DMD: variants seen among roughly 807,000 people sequenced by gnomAD.
DMD encodes dystrophin.
Under a neutral mutation model 330.1 loss-of-function variants are expected in DMD, and 63 were observed. The ratio of observed to expected loss-of-function variants is 0.19; its 90% CI spans 0.16 to 0.24. DMD has a LOEUF of 0.24. Ranked by LOEUF, DMD falls within the 10% of genes least tolerant of loss-of-function variation. The probability of loss-of-function intolerance (pLI) is 1.00; values close to 1 mark genes in which losing one functional copy is unlikely to be tolerated. For missense variants in DMD, 3,344 were observed against 2,684.1 expected, an observed-to-expected ratio of 1.25 and a Z score of -5.43; for synonymous variants, 1,223 against 959.8, an observed-to-expected ratio of 1.27 and a Z score of -5.07.
chrX:31,433,023 G>A (rs1328526392), intron 60 of DMD, among the ~76,000 whole-genome samples: 1 of 111,726 alleles, frequency 9.0e-6, no homozygotes, highest in Non-Finnish European at 1.9e-5. Flanking sequence ...TATAGTACTC[G>A]ATAGGTAGTT....
rs140940253 is a variant in DMD, at chrX:32,065,705, G to C, written c.6439-97191C>G. ...AAAGTGCTAAACATCTTTGGCCATAGAAAGCAACACGGGTGTTTTGAAATG... is the reference window on the plus strand; with the variant it reads ...AAAGTGCTAAACATCTTTGGCCATACAAAGCAACACGGGTGTTTTGAAATG... On this transcript the variant is annotated intron_variant, in intron 44 of 78. Coordinates refer to ENST00000357033, the MANE Select transcript of DMD (RefSeq NM_004006.3). Among the ~76,000 whole-genome samples, 263 of 111,820 alleles carry C rather than the reference G, an allele frequency of 2.4e-3. 1 individual carries two copies. The highest frequency in any genetic ancestry group is 8.1e-3 in the African/African-American group (251 of 30,930).
chrX:32,483,164 T>C (rs5927994), intron 21 of DMD, among the ~76,000 whole-genome samples: 700 of 61,135 alleles, frequency 0.011, 65 homozygotes, highest in South Asian at 0.062. Flanking sequence ...TATATATATA[T>C]ACACCATATT....
intron 4 of DMD, among the ~76,000 whole-genome samples, chrX:32,834,347 A>C (rs1285908948): frequency 8.9e-6 from 1 of 112,096 alleles, no homozygotes; most frequent in African/African-American, 3.2e-5. Context: ...AGTAGTTTAT[A>C]GTCAAATATA....
intron 60 of DMD, among the ~76,000 whole-genome samples, chrX:31,436,808 C>A (rs1032587113): frequency 8.9e-6 from 1 of 111,936 alleles, no homozygotes; most frequent in East Asian, 2.8e-4. Flanking sequence ...TCTCTCCTTA[C>A]TGAAAAGATG....
intron 1 of DMD, among the ~76,000 whole-genome samples, chrX:33,332,331 A>G (rs2054192339): frequency 8.9e-6 from 1 of 112,051 alleles, no homozygotes; most frequent in African/African-American, 3.2e-5. Flanking sequence ...TTCCAACCTA[A>G]AATATTAATT....
intron 29 of DMD, among the ~76,000 whole-genome samples, chrX:32,422,924 G>A (rs2098196283): frequency 2.7e-5 from 3 of 111,353 alleles, no homozygotes; most frequent in African/African-American, 9.8e-5. Flanking sequence ...GAAAGAGAGA[G>A]ATGAATATGT....
intron 27 of DMD, among the ~76,000 whole-genome samples, chrX:32,442,471 T>C (rs1281164284): frequency 9.0e-6 from 1 of 111,363 alleles, no homozygotes; most frequent in East Asian, 2.8e-4. Context: ...CCATGTTGAT[T>C]GACACAAATG....
At chrX:32,504,612 G>C (rs1301758963) in intron 18 of DMD, among the ~76,000 whole-genome samples, 1 of 111,490 alleles carries the variant, frequency 9.0e-6, no homozygotes, top group Non-Finnish European at 1.9e-5. Flanking sequence ...GGGTGACAGA[G>C]TAAGACTCTG....
intron 50 of DMD, among the ~76,000 whole-genome samples, chrX:31,816,855 G>A (rs1033548471): frequency 4.0e-5 from 4 of 98,923 alleles, no homozygotes; most frequent in African/African-American, 1.2e-4. Flanking sequence ...GAAAAAACAC[G>A]GAAACTTGTA....
chrX:32,856,867 A>G (rs1203753123), intron 2 of DMD, among the ~76,000 whole-genome samples: 1 of 111,491 alleles, frequency 9.0e-6, no homozygotes, highest in Non-Finnish European at 1.9e-5. Context: ...TGAGGTCAGG[A>G]GATCGAGACC....
chrX:33,009,247 C>T (rs1158903713), intron 2 of DMD, among the ~76,000 whole-genome samples: 1 of 56,894 alleles, frequency 1.8e-5, no homozygotes, highest in East Asian at 7.8e-4. Flanking sequence ...TACACATGTG[C>T]ATATATGTGT....
At chrX:32,353,516 A>G (rs1441217905) in intron 37 of DMD, among the ~76,000 whole-genome samples, 1 of 111,519 alleles carries the variant, frequency 9.0e-6, no homozygotes, top group Admixed American at 9.6e-5. Flanking sequence ...AGTTACTTCT[A>G]TTGACTTTAA....
chrX:32,917,875 A>G (rs2035122310), intron 2 of DMD, among the ~76,000 whole-genome samples: 1 of 110,882 alleles, frequency 9.0e-6, no homozygotes, highest in African/African-American at 3.3e-5. Flanking sequence ...CTGCCTGACA[A>G]GAAGGAAGAA....
chrX:32,841,485 T>C (rs1028810405), intron 4 of DMD, among the ~76,000 whole-genome samples: 4 of 112,023 alleles, frequency 3.6e-5, no homozygotes, highest in Admixed American at 1.9e-4. Flanking sequence ...CATTACATGA[T>C]ATTTGTGTGT....
chrX:32,019,628 G>T, intron 44 of DMD, among the ~76,000 whole-genome samples: 1 of 111,803 alleles, frequency 8.9e-6, no homozygotes, highest in Non-Finnish European at 1.9e-5. Context: ...TTCAAAGCTC[G>T]TAAAATAATT....
chrX:32,695,932 T>C (rs768305956), intron 9 of DMD, among the ~76,000 whole-genome samples: 2 of 111,587 alleles, frequency 1.8e-5, no homozygotes, highest in Non-Finnish European at 3.8e-5. Flanking sequence ...GAGAAAAATG[T>C]TTCATCAGTG....
At chrX:31,553,425 A>G (rs1228496680) in intron 55 of DMD, among the ~76,000 whole-genome samples, 1 of 111,785 alleles carries the variant, frequency 8.9e-6, no homozygotes, top group Non-Finnish European at 1.9e-5. Context: ...GTTGGTGCAA[A>G]AGTAATTGCG....
intron 51 of DMD, among the ~76,000 whole-genome samples, chrX:31,773,064 A>G (rs2090435906): frequency 8.9e-6 from 1 of 111,998 alleles, no homozygotes. Context: ...TTATTTTACA[A>G]AGAAATTCCC....
intron 41 of DMD, among the ~76,000 whole-genome samples, chrX:32,323,118 C>A (rs964365754): frequency 1.8e-5 from 2 of 111,754 alleles, no homozygotes; most frequent in Non-Finnish European, 3.8e-5. Flanking sequence ...ATTTTTATTG[C>A]CATTATTCCC....
Sources: gnomAD v4.1 joint callset for allele counts (sites outside exome capture counted in the v4.1 genomes callset) on GRCh38, gnomAD v4.1.1 for gene constraint, MANE v1.5 for transcripts, NCBI Gene and HGNC (gene_info 2026-07-23, HGNC 2026-07-21) for gene names.